The following PCDHGB5 variants were observed in gnomAD, a reference collection of about 807,000 sequenced individuals.
PCDHGB5 encodes protocadherin gamma subfamily B, 5, also known as protocadherin gamma-B5.
PCDHGB5 carries 48 observed loss-of-function variants against 62.9 expected under a neutral mutation model. That is an observed-to-expected ratio of 0.76 (90% CI 0.61 to 0.97). PCDHGB5 has a LOEUF of 0.97. Ranked by LOEUF, PCDHGB5 falls within the 50% of genes least tolerant of loss-of-function variation. The probability of loss-of-function intolerance (pLI) is 0.00; values close to 1 mark genes in which losing one functional copy is unlikely to be tolerated. For synonymous variants in PCDHGB5, 474 were observed against 511.2 expected (o/e 0.93, Z 0.98); for missense variants, 1,118 against 1,198.6 (o/e 0.93, Z 0.99).
Position 141,486,443 on chromosome 5 carries a change from A to G in PCDHGB5, c.2398-8364A>G, listed in dbSNP as rs747419698. Reference sequence around the variant, plus strand: ...AGAGGCCAAATCTAGCTATGACATCATGGTCACTGCTTCTGATGCTGGGAA... The same window carrying G: ...AGAGGCCAAATCTAGCTATGACATCGTGGTCACTGCTTCTGATGCTGGGAA... On this transcript the variant is annotated intron_variant, in intron 1 of 3. Transcript: ENST00000617380. The surrounding 1 kb of genome is among the most constrained non-coding windows in gnomAD (Gnocchi z 5.0). The G allele has an allele frequency of 1.9e-6, 3 of 1,614,060 alleles. No individual in the cohort carries two copies. Among genetic ancestry groups the G allele is most frequent in the South Asian group, 2.2e-5 (2 of 91,080 alleles).
At chr5:141,449,022 A>G (rs2154562454) in intron 1 of PCDHGB5, among the ~76,000 whole-genome samples, 1 of 152,312 alleles carries the variant, frequency 6.6e-6, no homozygotes, top group Admixed American at 6.5e-5. Context: ...GTTGCTTAGC[A>G]TTCCTTTGGA....
rs1393305647 is a variant in PCDHGB5, at chr5:141,398,343, G to A, written c.216G>A (p.Lys72=). 4.3e-6 allele frequency: 6 copies of A among 1,380,544 alleles called. No homozygotes were observed. Among genetic ancestry groups the A allele is most frequent in the Non-Finnish European group, 6.0e-6 (6 of 995,048 alleles). The allele number at this position is 1,380,544 out of a possible 1,614,324, so 85.5% of individuals were successfully genotyped here. ...PTRKLRVSSE[K]PYFTVSAESG... ...GAAAACTGCGCGTCAGTTCGGAGAA[G>A]CCTTACTTCACCGTGAGCGCAGAGA... The change falls in exon 1 of 4, where the codon AAG becomes AAA. Residue 72 remains lysine, a synonymous_variant. Transcript: ENST00000617380.
chr5:141,436,638 A>G (rs2097838155), intron 1 of PCDHGB5, among the ~76,000 whole-genome samples: 1 of 152,194 alleles, frequency 6.6e-6, no homozygotes, highest in Non-Finnish European at 1.5e-5. Flanking sequence ...ACATGCAATT[A>G]ATTAACAGTA....
chr5:141,439,190 CA>C (rs200519543), intron 1 of PCDHGB5, among the ~76,000 whole-genome samples: 2,445 of 111,432 alleles, frequency 0.022, 39 homozygotes, highest in African/African-American at 0.057. Flanking sequence ...GAGACTCTGA[CA>C]AAAAAAAAAA....
chr5:141,475,741 G>C (rs1455125695), intron 1 of PCDHGB5, among the ~76,000 whole-genome samples: 1 of 152,268 alleles, frequency 6.6e-6, no homozygotes, highest in Non-Finnish European at 1.5e-5. Flanking sequence ...CCCTAAGGTA[G>C]GTTTCCTATG....
rs190948188 is a variant in PCDHGB5 at position 141,505,972 on chromosome 5, C to T, written c.2545+491C>T. Among the ~76,000 whole-genome samples the T allele has an allele frequency of 5.4e-4, 82 of 152,250 alleles. 1 individual carries two copies. The highest frequency in any genetic ancestry group is 1.9e-3 in the African/African-American group (79 of 41,558). ...GAAAGTGGGTGTAGAAATCCCCAGC[C>T]GAGAGAACACCTCCTCTTTATGCGA... On this transcript the variant is annotated intron_variant, in intron 3 of 3. Transcript: ENST00000617380.
At chr5:141,416,794 G>A (rs1002101061) in intron 1 of PCDHGB5, 1 of 152,070 alleles carries the variant, frequency 6.6e-6, no homozygotes, top group East Asian at 1.9e-4. Flanking sequence ...ACTAAATGTG[G>A]TAGTATAAAG....
chr5:141,409,938 C>T (rs754052398), intron 1 of PCDHGB5: 114 of 1,613,200 alleles, frequency 7.1e-5, no homozygotes, highest in Admixed American at 4.3e-4. Flanking sequence ...GATATGGTAC[C>T]TCGCTCTGCA....
At chr5:141,421,675 G>A in intron 1 of PCDHGB5, 2 of 1,613,910 alleles carry the variant, frequency 1.2e-6, no homozygotes, top group Non-Finnish European at 1.7e-6. Context: ...CGCAATTCCT[G>A]GGGCGCGATT....
intron 1 of PCDHGB5, chr5:141,405,481 G>A: frequency 2.0e-6 from 2 of 992,130 alleles, no homozygotes; most frequent in Middle Eastern, 2.6e-4. Context: ...ATGCAGTGGT[G>A]TGATCTCGGC....
chr5:141,403,135 GCGCCGAGTC>G, intron 1 of PCDHGB5: 4 of 1,614,064 alleles, frequency 2.5e-6, no homozygotes, highest in Non-Finnish European at 3.4e-6. Context: ...AGCTGGCGGA[GCGCCGAGTC>G]CGCATCGTCT....
At chr5:141,471,185 A>G (rs58340688) in intron 1 of PCDHGB5, 16,257 of 151,174 alleles carry the variant, frequency 0.11, 890 homozygotes, top group South Asian at 0.15. Context: ...TAGTAGCTGG[A>G]ATTACAGGCA....
chr5:141,399,425 G>A lies in PCDHGB5; in HGVS notation c.1298G>A (p.Ser433Asn), dbSNP rs2093805755. ...RGKPPLSSSI[S>N]VILHIRDVND... Reference sequence around the variant, plus strand: ...AAGCCGCCCCTCTCCTCCAGCATAAGCGTCATCCTACATATCAGAGACGTC... The same window carrying A: ...AAGCCGCCCCTCTCCTCCAGCATAAACGTCATCCTACATATCAGAGACGTC... The change falls in exon 1 of 4, where the codon AGC (serine) becomes AAC (asparagine). Residue 433 changes from serine to asparagine, a missense_variant. Around this residue, in one of 2 missense-constraint regions of PCDHGB5, gnomAD observed 1,034 missense variants for 1,029.1 expected, o/e 1.00. Transcript: ENST00000617380. 6.2e-7 allele frequency: 1 copy of A among 1,613,990 alleles called. No individual in the cohort carries two copies.
chr5:141,453,701 AAC>A (rs1250174252), intron 1 of PCDHGB5, among the ~76,000 whole-genome samples: 1 of 152,240 alleles, frequency 6.6e-6, no homozygotes, highest in Non-Finnish European at 1.5e-5. Context: ...CCTGGCTTTG[AAC>A]AGTTTCACTA....
intron 1 of PCDHGB5, chr5:141,423,830 G>A (rs527344048): frequency 5.5e-6 from 7 of 1,273,204 alleles, no homozygotes; most frequent in African/African-American, 3.1e-5. Flanking sequence ...CCTTTCATGA[G>A]ATTACGATAA....
chr5:141,471,843 T>C (rs1471729261), intron 1 of PCDHGB5, among the ~76,000 whole-genome samples: 2 of 152,166 alleles, frequency 1.3e-5, no homozygotes, highest in Admixed American at 6.5e-5. Context: ...TTTAATAAAA[T>C]ATTCAGAAAA....
At chr5:141,481,240 T>G (rs1323124277) in intron 1 of PCDHGB5, among the ~76,000 whole-genome samples, 1 of 152,208 alleles carries the variant, frequency 6.6e-6, no homozygotes, top group Non-Finnish European at 1.5e-5. Flanking sequence ...AAGTATTACA[T>G]AGCATAGCTC....
chr5:141,423,310 G>C, intron 1 of PCDHGB5: 2 of 1,614,180 alleles, frequency 1.2e-6, no homozygotes, highest in Non-Finnish European at 1.7e-6. Context: ...GCTGTACTTG[G>C]TGGTGGCGGT....
intron 1 of PCDHGB5, among the ~76,000 whole-genome samples, chr5:141,449,003 T>A (rs2098622649): frequency 1.3e-5 from 2 of 152,280 alleles, no homozygotes; most frequent in African/African-American, 4.8e-5. Context: ...AAAGCTGTTT[T>A]TTTTAACAGT....
Sources: gnomAD v4.1 joint callset for allele counts (sites outside exome capture counted in the v4.1 genomes callset) on GRCh38, gnomAD v4.1.1 for gene constraint, gnomAD v4.1.1 regional missense constraint, Gnocchi (gnomAD v3.1) non-coding constraint, MANE v1.5 for transcripts, NCBI Gene and HGNC (gene_info 2026-07-23, HGNC 2026-07-21) for gene names.